CPXM2: variants seen among roughly 807,000 people sequenced by gnomAD.
CPXM2 encodes the protein inactive carboxypeptidase-like protein X2.
A neutral mutation model predicts 86.1 loss-of-function variants in CPXM2; 66 were observed. That is an observed-to-expected ratio of 0.77 (90% CI 0.63 to 0.94). CPXM2 has a LOEUF of 0.94. Ranked by LOEUF, CPXM2 falls within the 40% of genes least tolerant of loss-of-function variation. The probability of loss-of-function intolerance (pLI) is 0.00; values close to 1 mark genes in which losing one functional copy is unlikely to be tolerated. For missense variants in CPXM2, 948 were observed against 1,026.3 expected (o/e 0.92, Z 1.04); for synonymous variants, 388 against 400.2 (o/e 0.97, Z 0.36).
chr10:123,790,762 T>C (rs1847188416), intron 6 of CPXM2, among the ~76,000 whole-genome samples: 1 of 152,116 alleles, frequency 6.6e-6, no homozygotes, highest in African/African-American at 2.4e-5. Context: ...TATCTCAGAT[T>C]CCCAAGAGTC....
rs78244770 is a variant in CPXM2, at chr10:123,891,018, G to T, written c.304+338C>A. Among the ~76,000 whole-genome samples, 1 of 152,236 alleles carries T rather than the reference G, an allele frequency of 6.6e-6. No individual in the cohort carries two copies. The highest frequency in any genetic ancestry group is 1.5e-5 in the Non-Finnish European group (1 of 68,046). ...GAGGATTGAAGAAGTAGGCAGAGAA[G>T]TAAGAGGCATCCAGCAGAAAGACCC... On this transcript the variant is annotated intron_variant, in intron 1 of 13. Coordinates refer to ENST00000241305, the MANE Select transcript of CPXM2 (RefSeq NM_198148.3). The surrounding 1 kb of genome is among the most constrained non-coding windows in gnomAD (Gnocchi z 5.6).
chr10:123,927,469 C>T (rs1265242313), intron 2 of CPXM2, among the ~76,000 whole-genome samples: 2 of 152,240 alleles, frequency 1.3e-5, no homozygotes, highest in African/African-American at 4.8e-5. Context: ...ATGCCTTTAA[C>T]TCATTTAATC....
chr10:123,757,092 G>A, intron 12 of CPXM2, 121 bp downstream of exon 12: 1 of 903,288 alleles, frequency 1.1e-6, no homozygotes, highest in Non-Finnish European at 1.8e-6. Context: ...TCGCAGCACT[G>A]TGCTGGCCCA....
rs76525337 is a variant in CPXM2, at chr10:123,757,228, G to T, written c.1902C>A (p.Ile634=). 1 of 1,613,952 alleles carries T rather than the reference G, an allele frequency of 6.2e-7. No individual in the cohort carries two copies. Among genetic ancestry groups the T allele is most frequent in the Non-Finnish European group, 8.5e-7 (1 of 1,179,924 alleles). ...CGCAATATACCTGCTCCATGAACAC[G>T]ATCAGAGATTCCCGGTTATTCTCCC... ...EEWENNRESL[I]VFMEQVHRGI... is the part of the protein sequence containing the mutation. The change falls in exon 12 of 14, where the codon ATC becomes ATA. Residue 634 remains isoleucine (I), a synonymous_variant. Coordinates refer to ENST00000241305, the MANE Select transcript of CPXM2 (RefSeq NM_198148.3).
chr10:123,907,135 G>A (rs1283928462), intron 2 of CPXM2, among the ~76,000 whole-genome samples: 1 of 152,218 alleles, frequency 6.6e-6, no homozygotes, highest in Admixed American at 6.5e-5. Context: ...CATCAGCACC[G>A]AGTGTTTACG....
At chr10:123,905,979 C>T (rs998635121) in intron 2 of CPXM2, among the ~76,000 whole-genome samples, 8 of 152,186 alleles carry the variant, frequency 5.3e-5, no homozygotes, top group South Asian at 2.1e-4. Flanking sequence ...CCCCACCTCC[C>T]GACGGTCTGT....
intron 4 of CPXM2, among the ~76,000 whole-genome samples, chr10:123,812,683 T>C (rs1267159170): frequency 6.6e-6 from 1 of 152,208 alleles, no homozygotes; most frequent in Non-Finnish European, 1.5e-5. Flanking sequence ...AGATCAGCGG[T>C]GGCATTAGGG....
chr10:123,806,836 C>A (rs780176182), intron 4 of CPXM2, among the ~76,000 whole-genome samples: 1 of 151,954 alleles, frequency 6.6e-6, no homozygotes, highest in Non-Finnish European at 1.5e-5. Context: ...GGGAAACTGC[C>A]CCCATGATCC....
chr10:123,869,683 A>C (rs1161243378), intron 2 of CPXM2, among the ~76,000 whole-genome samples: 1 of 152,144 alleles, frequency 6.6e-6, no homozygotes, highest in Non-Finnish European at 1.5e-5. Context: ...CACCCCACGC[A>C]CGTACTGCCT....
intron 4 of CPXM2, among the ~76,000 whole-genome samples, chr10:123,813,680 T>G (rs1038876329): frequency 2.6e-5 from 4 of 152,200 alleles, no homozygotes; most frequent in Admixed American, 6.5e-5. Context: ...AAACTAAACA[T>G]GAAATCTAGA....
chr10:123,750,268 C>T lies in CPXM2; in HGVS notation c.2018-3251G>A, dbSNP rs78680597. Reference sequence around the variant, plus strand: ...TGTTCCTGAGAGCCTGAGGGTTCACCCCATTCAGATAAGGGCTCAGTGCTT... The same window carrying T: ...TGTTCCTGAGAGCCTGAGGGTTCACTCCATTCAGATAAGGGCTCAGTGCTT... On this transcript the variant is annotated intron_variant, in intron 13 of 13. Coordinates refer to ENST00000241305, the MANE Select transcript of CPXM2 (RefSeq NM_198148.3). 4.1e-3 allele frequency: 4,065 copies of T among 985,352 alleles called. 108 individuals carry two copies. In the African/African-American group the frequency reaches 0.065, roughly 16 times the overall value. 61.0% of individuals were successfully genotyped at this position (985,352 alleles called of 1,614,324 possible).
At chr10:123,934,085 G>A (rs760842612) in intron 2 of CPXM2, among the ~76,000 whole-genome samples, 1 of 152,122 alleles carries the variant, frequency 6.6e-6, no homozygotes, top group Non-Finnish European at 1.5e-5. Flanking sequence ...TTGGGGTCAA[G>A]GAAGAGGTAA....
At chr10:123,938,653 C>T (rs11511761) in intron 2 of CPXM2, among the ~76,000 whole-genome samples, 44,766 of 152,028 alleles carry the variant, frequency 0.29, 7,461 homozygotes, top group East Asian at 0.59. Context: ...TGACAGATGC[C>T]GTTAGCAAGC....
intron 3 of CPXM2, among the ~76,000 whole-genome samples, chr10:123,849,272 A>G (rs999515750): frequency 1.2e-4 from 19 of 152,124 alleles, no homozygotes; most frequent in Non-Finnish European, 2.6e-4. Context: ...TTTAGTAACT[A>G]AGTCTTACGT....
At position 123,906,189 on chromosome 10, in the gene CPXM2, T is replaced by G. The variant is rs74162970; in HGVS notation, n.175-25880A>C. ...TTCATCCCAGAAGTCCTCAGAAATG[T>G]GACCGAAGGGCAACATGGGCACACT... On this transcript the variant is annotated intron_variant and non_coding_transcript_variant, in intron 2 of 19. Coordinates refer to the CPXM2 transcript ENST00000368854. Among the ~76,000 whole-genome samples, 254 of 152,344 alleles carry G rather than the reference T, an allele frequency of 1.7e-3. 1 individual carries two copies. Among genetic ancestry groups the G allele is most frequent in the African/African-American group, 6.0e-3 (249 of 41,584 alleles).
intron 2 of CPXM2, among the ~76,000 whole-genome samples, chr10:123,919,809 T>C (rs1945566589): frequency 6.6e-6 from 1 of 152,194 alleles, no homozygotes; most frequent in South Asian, 2.1e-4. Context: ...CAGTGGTATC[T>C]CCTTCTGGTG....
chr10:123,845,702 T>C (rs1377035146), intron 3 of CPXM2, among the ~76,000 whole-genome samples: 1 of 152,090 alleles, frequency 6.6e-6, no homozygotes, highest in Non-Finnish European at 1.5e-5. Flanking sequence ...CCCAGTTAAG[T>C]CTTCAAAACA....
intron 4 of CPXM2, among the ~76,000 whole-genome samples, chr10:123,833,356 A>C (rs1313598086): frequency 6.6e-6 from 1 of 152,206 alleles, no homozygotes; most frequent in Non-Finnish European, 1.5e-5. Context: ...AACAAAATAC[A>C]GATGTGTCAC....
rs752725785 is a variant in CPXM2, at chr10:123,771,003, T to C, written c.1015A>G (p.Thr339Ala). The C allele has an allele frequency of 6.8e-6, 11 of 1,613,248 alleles. No individual in the cohort carries two copies. In the Admixed American group the frequency reaches 1.7e-4, roughly 24 times the overall value. ...KVVNEMCPNITRIYNIGKSHQ... is the reference protein window; with the variant it reads ...KVVNEMCPNIARIYNIGKSHQ... ...CTTTTTCCAATGTTGTAAATTCTGGTGATATTGGGACACATTTCATTCACA... is the reference window on the plus strand; with the variant it reads ...CTTTTTCCAATGTTGTAAATTCTGGCGATATTGGGACACATTTCATTCACA... The change falls in exon 8 of 14, where the codon ACC (threonine) becomes GCC (alanine). Residue 339 changes from threonine to alanine, a missense_variant. Coordinates refer to ENST00000241305, the MANE Select transcript of CPXM2 (RefSeq NM_198148.3).
Sources: allele counts gnomAD v4.1 joint callset (sites outside exome capture counted in the v4.1 genomes callset), GRCh38; gene constraint gnomAD v4.1.1; non-coding constraint Gnocchi (gnomAD v3.1); transcripts MANE v1.5; gene names NCBI Gene and HGNC (gene_info 2026-07-23, HGNC 2026-07-21).